The following MECOM variants were observed in gnomAD, a reference collection of about 807,000 sequenced individuals.
MECOM encodes MDS1 and EVI1 complex locus, also known as histone-lysine N-methyltransferase MECOM.
A neutral mutation model predicts 116.3 loss-of-function variants in MECOM; 13 were observed. That is an observed-to-expected ratio of 0.11 (90% CI 0.07 to 0.18). The LOEUF (loss-of-function observed/expected upper bound fraction) is 0.18. Among genes scored for constraint, MECOM ranks in the 10% least tolerant of loss-of-function variants. MECOM has a pLI of 1.00. For synonymous variants in MECOM, 528 were observed against 535.2 expected (o/e 0.99, Z 0.19); for missense variants, 1,299 against 1,509.0 (o/e 0.86, Z 2.31).
At chr3:169,527,400 G>A (rs1758083771) in intron 1 of MECOM, among the ~76,000 whole-genome samples, 1 of 152,306 alleles carries the variant, frequency 6.6e-6, no homozygotes, top group East Asian at 1.9e-4. Context: ...TTTGTCATCA[G>A]CAAAAGAAAA....
chr3:169,234,348 A>G (rs1435053528), intron 2 of MECOM, among the ~76,000 whole-genome samples: 2 of 152,200 alleles, frequency 1.3e-5, no homozygotes, highest in Non-Finnish European at 2.9e-5. Context: ...AAGATTCTTC[A>G]GTACTTTTAA....
intron 2 of MECOM, among the ~76,000 whole-genome samples, chr3:169,309,939 G>A (rs1017708278): frequency 3.5e-4 from 54 of 152,274 alleles, no homozygotes; most frequent in African/African-American, 1.3e-3. Context: ...TGATCACCAC[G>A]GGCAAAACCA....
intron 2 of MECOM, among the ~76,000 whole-genome samples, chr3:169,363,037 T>C (rs188490467): frequency 6.6e-6 from 1 of 152,058 alleles, no homozygotes; most frequent in Admixed American, 6.6e-5. Context: ...AATTTCCCCA[T>C]TTCTTCACTA....
intron 1 of MECOM, among the ~76,000 whole-genome samples, chr3:169,522,150 T>C (rs1757422926): frequency 6.6e-6 from 1 of 152,186 alleles, no homozygotes; most frequent in South Asian, 2.1e-4. Flanking sequence ...ATTTCCATGT[T>C]GAGAGGCAAG....
At chr3:169,558,351 T>C (rs1043328550) in intron 1 of MECOM, among the ~76,000 whole-genome samples, 1 of 152,242 alleles carries the variant, frequency 6.6e-6, no homozygotes, top group East Asian at 1.9e-4. Context: ...ATGTCAAATC[T>C]ATTATAATTC....
At chr3:169,575,558 C>A (rs1190604064) in intron 1 of MECOM, among the ~76,000 whole-genome samples, 2 of 152,176 alleles carry the variant, frequency 1.3e-5, no homozygotes, top group Admixed American at 1.3e-4. Context: ...AACAGATGAG[C>A]CGTCCGGGGA....
rs549463586 is a variant in MECOM at position 169,660,983 on chromosome 3, C to T, written c.37+2353G>A. Among the ~76,000 whole-genome samples, 7 of 152,256 alleles carry T rather than the reference C, an allele frequency of 4.6e-5. No individual in the cohort carries two copies. The East Asian group carries it at 1.4e-3, about 29-fold the overall frequency. ...GCTATCAGAAAGCGGCAGCGGCATC[C>T]TTAGAGACCCTGGGGACAAAATAAA... On this transcript the variant is annotated intron_variant, in intron 1 of 16. Transcript: ENST00000651503.
chr3:169,202,819 C>CA (rs11287862), intron 2 of MECOM, among the ~76,000 whole-genome samples: 2,091 of 89,852 alleles, frequency 0.023, 24 homozygotes, highest in East Asian at 0.051. Context: ...TTGCCATTAG[C>CA]AAAAAAAAAA....
chr3:169,394,316 A>C (rs1734684074), intron 1 of MECOM, among the ~76,000 whole-genome samples: 1 of 152,212 alleles, frequency 6.6e-6, no homozygotes, highest in Admixed American at 6.5e-5. Flanking sequence ...TGTTGGGGAG[A>C]TAAGGCAAAT....
intron 1 of MECOM, chr3:169,623,846 T>G (rs1376596520): frequency 1.3e-5 from 2 of 151,784 alleles, no homozygotes. Context: ...CACACTGGTC[T>G]TCTTCTGATC....
At chr3:169,425,417 C>A (rs1397670802) in intron 1 of MECOM, among the ~76,000 whole-genome samples, 1 of 152,022 alleles carries the variant, frequency 6.6e-6, no homozygotes, top group Non-Finnish European at 1.5e-5. Context: ...TGATACAAAT[C>A]AAAAATTTTA....
At chr3:169,378,369 G>A (rs78340351) in intron 2 of MECOM, among the ~76,000 whole-genome samples, 1,838 of 136,408 alleles carry the variant, frequency 0.013, 35 homozygotes, top group African/African-American at 0.048. Flanking sequence ...AAGAAGGAAG[G>A]AAGCAAGGAA....
chr3:169,472,400 TAGAGGAGAGG>T (rs755921032), intron 1 of MECOM, among the ~76,000 whole-genome samples: 13 of 83,860 alleles, frequency 1.6e-4, no homozygotes, highest in Non-Finnish European at 2.6e-4. Flanking sequence ...GGAAAAATAA[TAGAGGAGAGG>T]AGAGGAGAGG....
chr3:169,522,977 C>CT (rs1165374464), intron 1 of MECOM, among the ~76,000 whole-genome samples: 39 of 152,322 alleles, frequency 2.6e-4, no homozygotes, highest in African/African-American at 8.9e-4. Context: ...GTTTGCAAGA[C>CT]TTCCCCAACA....
chr3:169,234,153 C>A (rs1753744929), intron 2 of MECOM, among the ~76,000 whole-genome samples: 2 of 151,838 alleles, frequency 1.3e-5, no homozygotes, highest in Non-Finnish European at 2.9e-5. Context: ...AGTGGACACA[C>A]AATTCCTACC....
chr3:169,272,194 C>T (rs796936616), intron 2 of MECOM, among the ~76,000 whole-genome samples: 27 of 152,278 alleles, frequency 1.8e-4, no homozygotes, highest in African/African-American at 6.3e-4. Context: ...CACTGTTAAA[C>T]GCAAAGGAGT....
chr3:169,249,579 T>C (rs1756002035), intron 2 of MECOM, among the ~76,000 whole-genome samples: 1 of 152,142 alleles, frequency 6.6e-6, no homozygotes, highest in South Asian at 2.1e-4. Flanking sequence ...AAAACATTGA[T>C]CCTTAAAAAA....
chr3:169,398,378 AG>A (rs1735332566), intron 1 of MECOM, among the ~76,000 whole-genome samples: 1 of 152,324 alleles, frequency 6.6e-6, no homozygotes, highest in East Asian at 1.9e-4. Context: ...ACCTGGATAA[AG>A]GGATTGAAGA....
chr3:169,230,305 T>C lies in MECOM; in HGVS notation c.376-86473A>G, dbSNP rs373542302. Among the ~76,000 whole-genome samples the C allele has an allele frequency of 5.3e-4, 81 of 152,250 alleles. 1 individual carries two copies. The highest frequency in any genetic ancestry group is 3.4e-3 in the Middle Eastern group (1 of 294). On this transcript the variant is annotated intron_variant, in intron 2 of 16. Coordinates refer to ENST00000651503, the MANE Select transcript of MECOM (RefSeq NM_004991.4). ...TTATCAACTTAGCCAGCTTTTTTCT[T>C]TCTTGAGATACATGGGATATGAAGC...
Sources: allele counts gnomAD v4.1 joint callset (sites outside exome capture counted in the v4.1 genomes callset), GRCh38; gene constraint gnomAD v4.1.1; transcripts MANE v1.5; gene names NCBI Gene and HGNC (gene_info 2026-07-23, HGNC 2026-07-21).